Variants in CAPN2 observed in about 807,000 individuals in gnomAD.
CAPN2 encodes calpain-2 catalytic subunit.
CAPN2 carries 92 observed loss-of-function variants against 102.3 expected under a neutral mutation model. The observed-to-expected ratio is 0.90, with a 90% confidence interval of 0.76 to 1.07. The LOEUF is 1.07. CAPN2 is among the 50% of genes least tolerant of loss of function. CAPN2 has a pLI of 0.00. For synonymous variants in CAPN2, 340 were observed against 355.4 expected (o/e 0.96, Z 0.49); for missense variants, 800 against 909.4 (o/e 0.88, Z 1.55).
At chr1:223,708,293 G>A (rs1018276458), upstream of CAPN2, among the ~76,000 whole-genome samples, 4 of 152,146 alleles carry the variant, frequency 2.6e-5, no homozygotes, top group Non-Finnish European at 2.9e-5. Flanking sequence ...CAGAGATGGA[G>A]GATGTCAAAT....
At position 223,747,021 on chromosome 1, in the gene CAPN2, A is replaced by C. The variant is rs761588429; in HGVS notation, c.585A>C (p.Leu195=). 3.5e-5 allele frequency: 57 copies of C among 1,613,796 alleles called. No individual in the cohort carries two copies. The highest frequency in any genetic ancestry group is 4.7e-5 in the Non-Finnish European group (56 of 1,179,864). The change falls in exon 5 of 21, where the codon CTA becomes CTC. Residue 195 remains leucine (L), a synonymous_variant. Transcript: ENST00000295006. ...GGATCAACGGATGCTATGAAGCGCTATCAGGGGGTGCCACCACTGAGGGCT... is the reference window on the plus strand; with the variant it reads ...GGATCAACGGATGCTATGAAGCGCTCTCAGGGGGTGCCACCACTGAGGGCT... The part of the protein sequence containing the change: ...YAKINGCYEA[L]SGGATTEGFE...
At chr1:223,737,783 C>T (rs1399205776) in intron 2 of CAPN2, among the ~76,000 whole-genome samples, 3 of 148,296 alleles carry the variant, frequency 2.0e-5, no homozygotes, top group Non-Finnish European at 3.0e-5. Context: ...GAAAAACAAC[C>T]CAGAAAGAAG....
Position 223,775,204 on chromosome 1 carries a change from C to A in CAPN2, c.*347C>A. ...AAAAAAAATGCAGGGAGGTATTTAA[C>A]AGCTGAGCAAAAACATTGAGTCGCT... On this transcript the variant is annotated 3_prime_UTR_variant, in exon 21 of 21. Coordinates refer to ENST00000295006, the MANE Select transcript of CAPN2 (RefSeq NM_001748.5). 1 of 212,812 alleles carries A rather than the reference C, an allele frequency of 4.7e-6. No individual in the cohort carries two copies. Among genetic ancestry groups the A allele is most frequent in the Non-Finnish European group, 9.3e-6 (1 of 107,888 alleles). The allele number at this position is 212,812 out of a possible 1,614,324, so 13.2% of individuals were successfully genotyped here.
At chr1:223,770,330 G>C in intron 17 of CAPN2, 117 bp from the exon 18 acceptor site, 1 of 659,686 alleles carries the variant, frequency 1.5e-6, no homozygotes, top group Non-Finnish European at 2.7e-6. Flanking sequence ...ATTCTTCCAC[G>C]GCCAAACTAG....
chr1:223,751,237 C>T (rs28370073), intron 7 of CAPN2, among the ~76,000 whole-genome samples: 14,276 of 152,094 alleles, frequency 0.094, 714 homozygotes, highest in African/African-American at 0.14. Context: ...CCAGGTTCAC[C>T]CCTTCCCTAG....
chr1:223,743,027 C>G (rs781407564), intron 2 of CAPN2, among the ~76,000 whole-genome samples: 1 of 152,198 alleles, frequency 6.6e-6, no homozygotes, highest in Non-Finnish European at 1.5e-5. Context: ...TCCCTGCAAA[C>G]CATCTGGGTG....
intron 2 of CAPN2, among the ~76,000 whole-genome samples, chr1:223,722,672 A>C (rs1660085955): frequency 1.3e-5 from 2 of 152,142 alleles, no homozygotes; most frequent in Non-Finnish European, 2.9e-5. Flanking sequence ...TTTTAAGAAC[A>C]GTGTTAGGTT....
At chr1:223,712,333 C>T (rs573774301), upstream of CAPN2, 269 of 551,732 alleles carry the variant, frequency 4.9e-4, 5 homozygotes, top group South Asian at 0.019. Flanking sequence ...ATTCGCGAGC[C>T]TCCCCGGCGC....
At chr1:223,709,661 C>CAAAAAAAAAAAAAAAAAAAAAAAAAA (rs779362608), upstream of CAPN2, among the ~76,000 whole-genome samples, 3 of 137,844 alleles carry the variant, frequency 2.2e-5, no homozygotes, top group Admixed American at 7.1e-5. Flanking sequence ...AACTCCATCT[C>CAAAAAAAAAAAAAAAAAAAAAAAAAA]AAAAAAAAAA....
At chr1:223,751,299 T>TC (rs1353024874) in intron 7 of CAPN2, among the ~76,000 whole-genome samples, 1 of 151,826 alleles carries the variant, frequency 6.6e-6, no homozygotes, top group Non-Finnish European at 1.5e-5. Flanking sequence ...CACCCCACCT[T>TC]CCCCCAGGCA....
rs1404028238 is a variant in CAPN2, at chr1:223,755,584, A to C, written c.1240A>C (p.Lys414Gln). The stretch of plus-strand genomic sequence containing the variant: ...CACCTTCCTGGTGGGGCTCATTCAG[A>C]AGCACCGACGGCGGCAGAGGAAGAT... ...GCTFLVGLIQKHRRRQRKMGE... is the reference protein window; with the variant it reads ...GCTFLVGLIQQHRRRQRKMGE... Residue 414 changes from lysine to glutamine, a missense_variant, in exon 10 of 21, where the codon AAG becomes CAG. Coordinates refer to ENST00000295006, the MANE Select transcript of CAPN2 (RefSeq NM_001748.5). This position sits in a 1 kb window ranked among gnomAD's most constrained non-coding sequence, Gnocchi z 4.1. 13 of 1,613,628 alleles carry C rather than the reference A, an allele frequency of 8.1e-6. No homozygotes were observed. The highest frequency in any genetic ancestry group is 1.7e-4 in the Middle Eastern group (1 of 5,932).
Position 223,760,564 on chromosome 1 carries a change from T to C in CAPN2, c.1530-1017T>C, listed in dbSNP as rs565867535. ...ACCATGGGGGAAGGGACCTTTCCTC[T>C]CAGCTCTGAGGATGCTTAGAGGAAG... On this transcript the variant is annotated intron_variant, in intron 12 of 20. Transcript: ENST00000295006. Among the ~76,000 whole-genome samples the C allele has an allele frequency of 1.6e-4, 25 of 152,344 alleles. No individual in the cohort carries two copies. The South Asian group carries it at 4.6e-3, about 28-fold the overall frequency.
At chr1:223,734,131 G>T (rs1660394599) in intron 2 of CAPN2, among the ~76,000 whole-genome samples, 1 of 152,182 alleles carries the variant, frequency 6.6e-6, no homozygotes, top group South Asian at 2.1e-4. Context: ...CCGGGATCCA[G>T]CGCTACAGGG....
intron 6 of CAPN2, 119 bp downstream of exon 6, chr1:223,749,241 C>A: frequency 4.8e-6 from 4 of 826,934 alleles, no homozygotes; most frequent in South Asian, 3.2e-5. Context: ...TACACTCGGG[C>A]CCCGCACTCC....
intron 16 of CAPN2, among the ~76,000 whole-genome samples, chr1:223,768,813 C>A (rs1571821278): frequency 6.6e-6 from 1 of 151,330 alleles, no homozygotes; most frequent in Admixed American, 6.6e-5. Flanking sequence ...TTCTTCCTAC[C>A]CATGAGCATG....
chr1:223,770,444 C>T lies in CAPN2; in HGVS notation c.1825-3C>T. On this transcript the variant is annotated splice_polypyrimidine_tract_variant and splice_region_variant and intron_variant, in intron 17 of 20. Transcript: ENST00000295006. ...GTTCTTACAGCTAACTTATGTGTTCCAGAAAATTTACCGAGAAATCGACGT... is the reference window on the plus strand; with the variant it reads ...GTTCTTACAGCTAACTTATGTGTTCTAGAAAATTTACCGAGAAATCGACGT... 1 of 1,611,690 alleles carries T rather than the reference C, an allele frequency of 6.2e-7. No homozygotes were observed.
intron 2 of CAPN2, among the ~76,000 whole-genome samples, chr1:223,728,239 C>G (rs1660248167): frequency 6.6e-6 from 1 of 152,148 alleles, no homozygotes; most frequent in Non-Finnish European, 1.5e-5. Flanking sequence ...CTCCCGCTCT[C>G]TCAAGTGGTT....
Position 223,764,309 on chromosome 1 carries a change from A to T in CAPN2, c.1690+102A>T, listed in dbSNP as rs546121277. 5 of 936,140 alleles carry T rather than the reference A, an allele frequency of 5.3e-6. No individual in the cohort carries two copies. The East Asian group carries it at 9.7e-5, about 18-fold the overall frequency. 58.0% of individuals were successfully genotyped at this position (936,140 alleles called of 1,614,324 possible). ...CTCCATGTCTGGCTGCTGTGACTAAACCACCACCCTCCATCCCCTCCAAGA... is the reference window on the plus strand; with the variant it reads ...CTCCATGTCTGGCTGCTGTGACTAATCCACCACCCTCCATCCCCTCCAAGA... On this transcript the variant is annotated intron_variant, in intron 15 of 20. Coordinates refer to ENST00000295006, the MANE Select transcript of CAPN2 (RefSeq NM_001748.5).
At chr1:223,744,061 A>G (rs773661360) in intron 2 of CAPN2, 39 bp from the exon 3 acceptor site, 15 of 1,374,074 alleles carry the variant, frequency 1.1e-5, no homozygotes, top group African/African-American at 2.9e-5. Flanking sequence ...TCCTGGTTCT[A>G]AGACCCTCTG....
Sources: allele counts gnomAD v4.1 joint callset (sites outside exome capture counted in the v4.1 genomes callset), GRCh38; gene constraint gnomAD v4.1.1; non-coding constraint Gnocchi (gnomAD v3.1); transcripts MANE v1.5; gene names NCBI Gene and HGNC (gene_info 2026-07-23, HGNC 2026-07-21).